SLC36A2: variants seen among roughly 807,000 people sequenced by gnomAD.
The protein encoded by SLC36A2 is solute carrier family 36 member 2.
In SLC36A2, 39 loss-of-function variants were observed where a neutral mutation model predicts 42.7. That is an observed-to-expected ratio of 0.91 (90% CI 0.71 to 1.19). The LOEUF is 1.19. Ranked by LOEUF, SLC36A2 falls within the 50% of genes most tolerant of loss-of-function variation. The probability of loss-of-function intolerance (pLI) is 0.00; values close to 1 mark genes in which losing one functional copy is unlikely to be tolerated. For missense variants in SLC36A2, 590 were observed against 613.7 expected (o/e 0.96, Z 0.41); for synonymous variants, 237 against 240.8 (o/e 0.98, Z 0.15).
chr5:151,347,358 A>G lies in SLC36A2; in HGVS notation c.103T>C (p.Ser35Pro), dbSNP rs1756526482. The G allele has an allele frequency of 6.2e-7, 1 of 1,614,256 alleles. No individual in the cohort carries two copies. The highest frequency in any genetic ancestry group is 8.5e-7 in the Non-Finnish European group (1 of 1,180,044). ...ESAKKLENKD[S>P]TFLDESPSES... ...GAAGGACTTTCATCCAAGAATGTAG[A>G]GTCCTTGTTCTCCAACTTCTTGGCA... Residue 35 changes from serine (S) to proline (P), a missense_variant, in exon 1 of 10, where the codon TCT becomes CCT. Physicochemically the swap from Ser to Pro is moderately conservative, Grantham distance 74 (BLOSUM62 -1). Coordinates refer to ENST00000335244, the MANE Select transcript of SLC36A2 (RefSeq NM_181776.3).
At chr5:151,344,612 G>A (rs1756444032) in intron 1 of SLC36A2, among the ~76,000 whole-genome samples, 1 of 152,228 alleles carries the variant, frequency 6.6e-6, no homozygotes. Flanking sequence ...GAGGCACAGA[G>A]ATTTGTTAAT....
At chr5:151,332,520 G>A in intron 7 of SLC36A2, 1 of 440,876 alleles carries the variant, frequency 2.3e-6, no homozygotes, top group South Asian at 1.6e-5. Flanking sequence ...CCAGACAGTG[G>A]ACGCTCTGCA....
intron 4 of SLC36A2, 46 bp downstream of exon 4, chr5:151,342,842 T>C (rs1580865163): frequency 4.6e-6 from 7 of 1,517,228 alleles, no homozygotes; most frequent in Admixed American, 1.7e-5. Context: ...CAGCATTTTC[T>C]CCTCCTGTGT....
chr5:151,333,512 A>G (rs1756055257), intron 6 of SLC36A2, among the ~76,000 whole-genome samples, 190 bp from the exon 7 acceptor site: 1 of 152,134 alleles, frequency 6.6e-6, no homozygotes, highest in Admixed American at 6.5e-5. Context: ...GAGCCAGAGG[A>G]CGGTATTGTC....
intron 5 of SLC36A2, among the ~76,000 whole-genome samples, chr5:151,336,648 C>T (rs1056751688): frequency 2.0e-5 from 3 of 151,998 alleles, no homozygotes; most frequent in Non-Finnish European, 4.4e-5. Context: ...CCACTGAAAG[C>T]CATGAGCATG....
chr5:151,326,363 G>A (rs1755850753), intron 7 of SLC36A2, among the ~76,000 whole-genome samples: 1 of 151,932 alleles, frequency 6.6e-6, no homozygotes, highest in South Asian at 2.1e-4. Flanking sequence ...AAGGCATTTG[G>A]GTTTGAAACT....
intron 9 of SLC36A2, among the ~76,000 whole-genome samples, chr5:151,318,521 A>T (rs368835515): frequency 0.26 from 27,172 of 102,688 alleles, 3,397 homozygotes; most frequent in East Asian, 0.55. Flanking sequence ...AATAAATAAA[A>T]ATATAATAAT....
intron 5 of SLC36A2, 165 bp downstream of exon 5, chr5:151,338,895 A>G (rs1217006391): frequency 1.6e-6 from 1 of 609,874 alleles, no homozygotes. Flanking sequence ...AACCACACAG[A>G]GATCTTCAGA....
rs1240754017 is a variant in SLC36A2 at position 151,344,180 on chromosome 5, G to C, written c.252C>G (p.Ile84Met). 6.2e-7 allele frequency: 1 copy of C among 1,613,926 alleles called. No homozygotes were observed. The highest frequency in any genetic ancestry group is 8.5e-7 in the Non-Finnish European group (1 of 1,179,934). ...CCACATGTGGCGCCTCTCTTACCAG[G>C]ATGCCCGCGTTCTTCACAGCGAGGG... ...GLPLAVKNAG[I>M]LMGPLSLLVM... The change falls in exon 2 of 10, where the codon ATC (isoleucine) becomes ATG (methionine). Residue 84 changes from isoleucine to methionine, a missense_variant. Ile to Met is a conservative substitution (Grantham distance 10). Transcript: ENST00000335244.
At chr5:151,342,480 C>T (rs1431551221) in intron 4 of SLC36A2, among the ~76,000 whole-genome samples, 1 of 152,206 alleles carries the variant, frequency 6.6e-6, no homozygotes, top group African/African-American at 2.4e-5. Flanking sequence ...CTGGTGGCAA[C>T]CAGCCCTTCT....
chr5:151,325,788 A>G (rs1259114417), intron 7 of SLC36A2, among the ~76,000 whole-genome samples: 1 of 152,184 alleles, frequency 6.6e-6, no homozygotes, highest in Non-Finnish European at 1.5e-5. Context: ...CAAAAAGACA[A>G]GGACTGCCTG....
chr5:151,335,623 C>G (rs1756133673), intron 5 of SLC36A2, 76 bp from the exon 6 acceptor site: 2 of 1,080,342 alleles, frequency 1.9e-6, no homozygotes, highest in Non-Finnish European at 2.9e-6. Context: ...GTGCCTTGCC[C>G]CTAATCAAAT....
intron 4 of SLC36A2, among the ~76,000 whole-genome samples, chr5:151,339,559 C>G (rs1756260904): frequency 6.6e-6 from 1 of 152,212 alleles, no homozygotes; most frequent in Admixed American, 6.5e-5. Flanking sequence ...ATCCGCCTGC[C>G]TTGGCCTCCC....
chr5:151,332,468 C>T, intron 7 of SLC36A2: 1 of 455,706 alleles, frequency 2.2e-6, no homozygotes, highest in Non-Finnish European at 4.4e-6. Context: ...AGAAACAACC[C>T]AAATGTTCTT....
chr5:151,337,596 G>A (rs1480663322), intron 5 of SLC36A2, among the ~76,000 whole-genome samples: 1 of 152,166 alleles, frequency 6.6e-6, no homozygotes. Flanking sequence ...GCTTTCTAAA[G>A]AGCAATCTGG....
chr5:151,321,914 G>T (rs368739585), intron 9 of SLC36A2, 132 bp downstream of exon 9: 1 of 1,132,522 alleles, frequency 8.8e-7, no homozygotes, highest in East Asian at 2.5e-5. Context: ...CTGACCTCAG[G>T]TGATCCACCC....
chr5:151,340,830 G>A (rs1324205818), intron 4 of SLC36A2, among the ~76,000 whole-genome samples: 2 of 152,254 alleles, frequency 1.3e-5, no homozygotes, highest in East Asian at 3.9e-4. Context: ...AAATCAGAGG[G>A]TGGTCCAGTG....
At chr5:151,345,140 A>G (rs1382632547) in intron 1 of SLC36A2, among the ~76,000 whole-genome samples, 3 of 152,188 alleles carry the variant, frequency 2.0e-5, no homozygotes, top group Non-Finnish European at 4.4e-5. Context: ...CGGAATTACA[A>G]AACAACCTAT....
intron 6 of SLC36A2, among the ~76,000 whole-genome samples, chr5:151,334,326 C>T (rs1279867963): frequency 6.6e-6 from 1 of 152,086 alleles, no homozygotes; most frequent in Non-Finnish European, 1.5e-5. Context: ...AAGGGAAGAA[C>T]ATCTGGAATT....
Sources: allele counts gnomAD v4.1 joint callset (sites outside exome capture counted in the v4.1 genomes callset), GRCh38; gene constraint gnomAD v4.1.1; transcripts MANE v1.5; gene names NCBI Gene and HGNC (gene_info 2026-07-23, HGNC 2026-07-21).